The following EPS8 variants were observed in gnomAD, a reference collection of about 807,000 sequenced individuals.
EPS8 encodes the protein epidermal growth factor receptor kinase substrate 8.
EPS8 carries 42 observed loss-of-function variants against 103.8 expected under a neutral mutation model. The ratio of observed to expected loss-of-function variants is 0.40; its 90% CI spans 0.32 to 0.52. The LOEUF is 0.52. Among genes scored for constraint, EPS8 ranks in the 20% least tolerant of loss-of-function variants. The pLI, the probability that EPS8 is intolerant of heterozygous loss-of-function variation, is 0.40. For missense variants in EPS8, 969 were observed against 1,005.1 expected (o/e 0.96, Z 0.49); for synonymous variants, 344 against 344.6 (o/e 1.00, Z 0.02).
chr12:15,772,488 A>C lies in EPS8; in HGVS notation c.-22+16673T>G, dbSNP rs1372268810. 1.3e-5 allele frequency among the ~76,000 whole-genome samples: 2 copies of C among 152,198 alleles called. No homozygotes were observed. The highest frequency in any genetic ancestry group is 2.4e-5 in the African/African-American group (1 of 41,456). ...AAGGCTAAGAAAATAATTCCAGAAA[A>C]TCCAGAAACTTTTCAACTTGTGAGT... On this transcript the variant is annotated intron_variant, in intron 1 of 20. Coordinates refer to ENST00000281172, the MANE Select transcript of EPS8 (RefSeq NM_004447.6). This position sits in a 1 kb window ranked among gnomAD's most constrained non-coding sequence, Gnocchi z 5.0.
Position 15,740,826 on chromosome 12 carries a change from G to A in EPS8, c.-22+48335C>T, listed in dbSNP as rs146730807. The stretch of plus-strand genomic sequence containing the variant: ...AGAAACAATAATACCTCCCTGTAGC[G>A]AAATTAAGAGAAATGTGGCTAATGC... On this transcript the variant is annotated intron_variant, in intron 1 of 20. Transcript: ENST00000281172. Among the ~76,000 whole-genome samples the A allele has an allele frequency of 1.5e-3, 223 of 152,286 alleles. 1 individual carries two copies. The highest frequency in any genetic ancestry group is 5.1e-3 in the African/African-American group (211 of 41,572).
In EPS8 at chr12:15,725,439, G is replaced by T. The variant is rs1946641906; in HGVS notation, c.-21-42467C>A. Among the ~76,000 whole-genome samples, 1 of 144,352 alleles carries T rather than the reference G, an allele frequency of 6.9e-6. No homozygotes were observed. Among genetic ancestry groups the T allele is most frequent in the Admixed American group, 7.1e-5 (1 of 14,076 alleles). 94.7% of individuals were successfully genotyped at this position (144,352 alleles called of 152,430 possible). A position where few individuals can be genotyped will look rare whatever the true frequency, so the allele number is the denominator to read the frequency against. ...TCAAATCCAGCCTGGGCAATATAGT[G>T]ATACCCTGTCTCAAAAAAAAAAGGA... On this transcript the variant is annotated intron_variant, in intron 1 of 20. Coordinates refer to ENST00000281172, the MANE Select transcript of EPS8 (RefSeq NM_004447.6). This position sits in a 1 kb window ranked among gnomAD's most constrained non-coding sequence, Gnocchi z 4.5.
rs1162314342 is a variant in EPS8, at chr12:15,733,795, C to T, written c.-21-50823G>A. On this transcript the variant is annotated intron_variant, in intron 1 of 20. Coordinates refer to ENST00000281172, the MANE Select transcript of EPS8 (RefSeq NM_004447.6). The surrounding 1 kb of genome is among the most constrained non-coding windows in gnomAD (Gnocchi z 4.8). ...ATTCTAGAGAAGGGACTAGGCTTTT[C>T]TCCACAGCAAGAAATGTAAAAACAT... Among the ~76,000 whole-genome samples, 3 of 152,134 alleles carry T rather than the reference C, an allele frequency of 2.0e-5. No individual in the cohort carries two copies. Among genetic ancestry groups the T allele is most frequent in the Non-Finnish European group, 2.9e-5 (2 of 68,008 alleles).
intron 8 of EPS8, among the ~76,000 whole-genome samples, chr12:15,664,572 A>G (rs1017003545): frequency 6.6e-6 from 1 of 152,228 alleles, no homozygotes; most frequent in Non-Finnish European, 1.5e-5. Flanking sequence ...ATAACTTCCC[A>G]AGACCACACA....
At position 15,751,750 on chromosome 12, in the gene EPS8, T is replaced by TCC. The variant is rs1946934514; in HGVS notation, c.-22+37410_-22+37411insGG. Among the ~76,000 whole-genome samples, 1 of 152,082 alleles carries TCC rather than the reference T, an allele frequency of 6.6e-6. No homozygotes were observed. On this transcript the variant is annotated intron_variant, in intron 1 of 20. Transcript: ENST00000281172. The surrounding 1 kb of genome is among the most constrained non-coding windows in gnomAD (Gnocchi z 4.3). Reference sequence around the variant, plus strand: ...TCTCTCCTCCCTCCCTCCTCTATACTTTCCCTCCTCCTTAGTATCCTTCTT... The same window carrying TCC: ...TCTCTCCTCCCTCCCTCCTCTATACTCCTTCCCTCCTCCTTAGTATCCTTCTT...
chr12:15,726,482 T>C (rs1461679043), intron 1 of EPS8, among the ~76,000 whole-genome samples: 1 of 152,008 alleles, frequency 6.6e-6, no homozygotes, highest in Non-Finnish European at 1.5e-5. Flanking sequence ...AGCTCTGTAG[T>C]GATACATGCC....
chr12:15,750,362 C>G (rs1946919195), intron 1 of EPS8, among the ~76,000 whole-genome samples: 1 of 152,142 alleles, frequency 6.6e-6, no homozygotes, highest in Non-Finnish European at 1.5e-5. Flanking sequence ...AGTCCAATCA[C>G]TCAGTGAAGA....
intron 1 of EPS8, among the ~76,000 whole-genome samples, chr12:15,739,646 G>T (rs907410821): frequency 1.2e-4 from 18 of 152,050 alleles, no homozygotes; most frequent in African/African-American, 4.3e-4. Context: ...AGGCTCTTGG[G>T]CCCTCAGCTT....
At chr12:15,625,032 C>T (rs1424269616) in intron 18 of EPS8, among the ~76,000 whole-genome samples, 1 of 152,214 alleles carries the variant, frequency 6.6e-6, no homozygotes, top group Non-Finnish European at 1.5e-5. Context: ...CTGTCTTAGA[C>T]AAGTATTGAA....
intron 3 of EPS8, among the ~76,000 whole-genome samples, chr12:15,677,979 T>C (rs1945938967): frequency 6.6e-6 from 1 of 152,332 alleles, no homozygotes; most frequent in South Asian, 2.1e-4. Flanking sequence ...CTGCATTCCT[T>C]ACCTTTACAC....
In EPS8 at chr12:15,702,609, A is replaced by C. The variant is rs1371735260; in HGVS notation, c.-21-19637T>G. Among the ~76,000 whole-genome samples the C allele has an allele frequency of 6.6e-6, 1 of 152,114 alleles. No individual in the cohort carries two copies. Among genetic ancestry groups the C allele is most frequent in the African/African-American group, 2.4e-5 (1 of 41,404 alleles). On this transcript the variant is annotated intron_variant, in intron 1 of 20. Coordinates refer to ENST00000281172, the MANE Select transcript of EPS8 (RefSeq NM_004447.6). This position sits in a 1 kb window ranked among gnomAD's most constrained non-coding sequence, Gnocchi z 5.1. ...CTTAATGTTTTTACCTATCTCTAAA[A>C]CATATATCCAGTATATTAAATATGA...
chr12:15,760,231 CA>C lies in EPS8; in HGVS notation c.-22+28929del, dbSNP rs1490852067. Among the ~76,000 whole-genome samples, 2 of 152,000 alleles carry C rather than the reference CA, an allele frequency of 1.3e-5. No individual in the cohort carries two copies. Among genetic ancestry groups the C allele is most frequent in the East Asian group, 3.9e-4 (2 of 5,190 alleles). ...AAATGGACAAATTCCTAGACACACA[CA>C]ACCTACTAAGATTGAACTATGAAGA... On this transcript the variant is annotated intron_variant, in intron 1 of 20. Transcript: ENST00000281172. The surrounding 1 kb of genome is among the most constrained non-coding windows in gnomAD (Gnocchi z 4.5).
Position 15,631,499 on chromosome 12 carries a change from C to T in EPS8, c.1987G>A (p.Asp663Asn). ...TCTCGCACGATACTGCCACCACTGT[C>T]ACTGGAGCTGCTGTTTTGACGTGTT... The part of the protein sequence containing the change: ...NITRQNSSSS[D>N]SGGSIVRDSQ... Residue 663 changes from aspartate (D) to asparagine (N), a missense_variant, in exon 18 of 21, where the codon GAC (aspartate) becomes AAC (asparagine). By Grantham distance (23) the Asp-to-Asn change is conservative (BLOSUM62 1). Coordinates refer to ENST00000281172, the MANE Select transcript of EPS8 (RefSeq NM_004447.6). The T allele has an allele frequency of 2.5e-6, 4 of 1,614,110 alleles. No individual in the cohort carries two copies. Among genetic ancestry groups the T allele is most frequent in the Non-Finnish European group, 3.4e-6 (4 of 1,180,002 alleles).
At chr12:15,638,754 G>C (rs1565472218) in intron 17 of EPS8, among the ~76,000 whole-genome samples, 1 of 152,180 alleles carries the variant, frequency 6.6e-6, no homozygotes, top group African/African-American at 2.4e-5. Context: ...ATGAGGTTCT[G>C]TTTAAGAAAG....
chr12:15,646,891 A>C lies in EPS8; in HGVS notation c.1568+236T>G, dbSNP rs565343070. 8.5e-5 allele frequency among the ~76,000 whole-genome samples: 13 copies of C among 152,342 alleles called. No individual in the cohort carries two copies. In the East Asian group the frequency reaches 2.5e-3, roughly 29 times the overall value. ...ACACATTTTGTCCGAAGTATCTTTT[A>C]AAAAATGGAAAGTCATCCAAAGGCA... is the stretch of plus-strand genomic sequence containing the variant. On this transcript the variant is annotated intron_variant, in intron 15 of 20. Transcript: ENST00000281172.
intron 3 of EPS8, among the ~76,000 whole-genome samples, chr12:15,677,202 C>T (rs550000971): frequency 1.4e-4 from 21 of 152,258 alleles, no homozygotes; most frequent in South Asian, 4.1e-4. Flanking sequence ...CCCATGATGG[C>T]GTCATTACTT....
intron 8 of EPS8, among the ~76,000 whole-genome samples, chr12:15,664,098 T>C (rs904029034): frequency 6.7e-6 from 1 of 150,082 alleles, no homozygotes; most frequent in African/African-American, 2.4e-5. Context: ...TTATCCTTCC[T>C]CTACTTCAGA....
At chr12:15,669,083 T>A (rs924422757) in intron 6 of EPS8, among the ~76,000 whole-genome samples, 1 of 152,170 alleles carries the variant, frequency 6.6e-6, no homozygotes, top group African/African-American at 2.4e-5. Context: ...TAGTAGAGAC[T>A]GGGTCTTGCC....
chr12:15,713,698 AC>A lies in EPS8; in HGVS notation c.-21-30727del, dbSNP rs1371030690. Among the ~76,000 whole-genome samples the A allele has an allele frequency of 6.6e-6, 1 of 152,196 alleles. No individual in the cohort carries two copies. The highest frequency in any genetic ancestry group is 1.5e-5 in the Non-Finnish European group (1 of 68,034). Reference sequence around the variant, plus strand: ...TGGGCACACGAGGTATAAAGTTGGTACTGAGATTCTTCCAGAAAACCAGGGC... The same window carrying A: ...TGGGCACACGAGGTATAAAGTTGGTATGAGATTCTTCCAGAAAACCAGGGC... On this transcript the variant is annotated intron_variant, in intron 1 of 20. Transcript: ENST00000281172. This position sits in a 1 kb window ranked among gnomAD's most constrained non-coding sequence, Gnocchi z 4.8.
Sources: allele counts gnomAD v4.1 joint callset (sites outside exome capture counted in the v4.1 genomes callset), GRCh38; gene constraint gnomAD v4.1.1; non-coding constraint Gnocchi (gnomAD v3.1); transcripts MANE v1.5; gene names NCBI Gene and HGNC (gene_info 2026-07-23, HGNC 2026-07-21).